Variants in NRP2 observed in about 807,000 individuals in gnomAD.
The protein encoded by NRP2 is neuropilin-2.
NRP2 carries 52 observed loss-of-function variants against 110.4 expected under a neutral mutation model. The ratio of observed to expected loss-of-function variants is 0.47; its 90% CI spans 0.38 to 0.59. The LOEUF (loss-of-function observed/expected upper bound fraction) is 0.59. Among genes scored for constraint, NRP2 ranks in the 20% least tolerant of loss-of-function variants. The pLI, the probability that NRP2 is intolerant of heterozygous loss-of-function variation, is 0.00. For synonymous variants in NRP2, 508 were observed against 468.9 expected, an observed-to-expected ratio of 1.08 and a Z score of -1.08; for missense variants, 1,049 against 1,203.0, an observed-to-expected ratio of 0.87 and a Z score of 1.89.
intron 1 of NRP2, among the ~76,000 whole-genome samples, chr2:205,697,251 T>A (rs1049345719): frequency 6.6e-6 from 1 of 151,864 alleles, no homozygotes; most frequent in Non-Finnish European, 1.5e-5. Flanking sequence ...GTCCTCTTGT[T>A]TTTTTAATCA....
At chr2:205,770,204 C>T (rs2057999137) in intron 15 of NRP2, among the ~76,000 whole-genome samples, 2 of 152,124 alleles carry the variant, frequency 1.3e-5, no homozygotes, top group South Asian at 2.1e-4. Context: ...CAATGTCTCC[C>T]GTTTCAGCTG....
intron 2 of NRP2, among the ~76,000 whole-genome samples, chr2:205,711,141 G>T (rs779378206): frequency 1.3e-5 from 2 of 152,164 alleles, no homozygotes; most frequent in Non-Finnish European, 1.5e-5. Context: ...ATCGTAGCAC[G>T]CATTCTTCTC....
rs570739231 is a variant in NRP2 at position 205,726,221 on chromosome 2, A to G, written c.990+139A>G. The stretch of plus-strand genomic sequence containing the variant: ...GAGAACTCCATTCATTCATTCATCC[A>G]AACAGATGTGTATGCCAGGCACTGG... On this transcript the variant is annotated intron_variant, in intron 6 of 16. Transcript: ENST00000357785. 69 of 909,680 alleles carry G rather than the reference A, an allele frequency of 7.6e-5. No homozygotes were observed. In the African/African-American group the frequency reaches 1.1e-3, roughly 14 times the overall value. The allele number at this position is 909,680 out of a possible 1,614,324, so 56.4% of individuals were successfully genotyped here. A position where few individuals can be genotyped will look rare whatever the true frequency, so the allele number is the denominator to read the frequency against.
At chr2:205,778,176 G>A (rs950204921) in intron 15 of NRP2, 1 of 151,880 alleles carries the variant, frequency 6.6e-6, no homozygotes, top group African/African-American at 2.4e-5. Context: ...AAGTTTGCCT[G>A]GGCCAAAAGC....
At chr2:205,754,767 GT>G (rs2057705956) in intron 12 of NRP2, among the ~76,000 whole-genome samples, 1 of 151,342 alleles carries the variant, frequency 6.6e-6, no homozygotes, top group African/African-American at 2.4e-5. Context: ...TAGTGTTAAT[GT>G]GTGTGTGCAT....
At chr2:205,731,003 T>C (rs1388938533) in intron 7 of NRP2, among the ~76,000 whole-genome samples, 1 of 152,246 alleles carries the variant, frequency 6.6e-6, no homozygotes, top group African/African-American at 2.4e-5. Context: ...AGTCACACTG[T>C]TGCTGGGGCA....
At chr2:205,689,589 C>T (rs1490732203) in intron 1 of NRP2, among the ~76,000 whole-genome samples, 1 of 152,166 alleles carries the variant, frequency 6.6e-6, no homozygotes. Flanking sequence ...GTTTTGTAAG[C>T]ACCATATTAT....
At chr2:205,685,625 T>C (rs1405337144) in intron 1 of NRP2, among the ~76,000 whole-genome samples, 1 of 152,194 alleles carries the variant, frequency 6.6e-6, no homozygotes, top group Non-Finnish European at 1.5e-5. Context: ...CGCACCAGGC[T>C]GCCCCTCTCC....
chr2:205,690,272 T>C (rs1027481020), intron 1 of NRP2, among the ~76,000 whole-genome samples: 5 of 152,138 alleles, frequency 3.3e-5, no homozygotes, highest in Non-Finnish European at 7.3e-5. Flanking sequence ...AAGAGAGGTT[T>C]GCTGAAACCA....
intron 1 of NRP2, among the ~76,000 whole-genome samples, chr2:205,684,609 G>C (rs1180914052): frequency 6.6e-6 from 1 of 152,070 alleles, no homozygotes; most frequent in Non-Finnish European, 1.5e-5. Context: ...ATTTATTTGA[G>C]GGGGGAAGAA....
At chr2:205,790,854 T>C (rs936263871) in intron 15 of NRP2, among the ~76,000 whole-genome samples, 2 of 152,204 alleles carry the variant, frequency 1.3e-5, no homozygotes, top group East Asian at 1.9e-4. Flanking sequence ...CAGGTGCCAC[T>C]TGCTGTGCTT....
Position 205,727,866 on chromosome 2 carries a change from C to T in NRP2, c.991-25C>T, listed in dbSNP as rs2057158497. On this transcript the variant is annotated intron_variant, in intron 6 of 16. Transcript: ENST00000357785. ...TGCCCTGTGTTGGGAATGGTGGTCT[C>T]TTACTCCAGCCCTCTATTCCCCAGG... The T allele has an allele frequency of 6.2e-6, 10 of 1,604,798 alleles. 1 individual carries two copies. Among genetic ancestry groups the T allele is most frequent in the Non-Finnish European group, 8.5e-6 (10 of 1,175,378 alleles).
intron 15 of NRP2, 49 bp downstream of exon 15, chr2:205,766,852 C>T (rs771249487): frequency 5.7e-6 from 9 of 1,565,560 alleles, no homozygotes; most frequent in Admixed American, 1.7e-5. Flanking sequence ...ATGCTTTTTC[C>T]TTCCCCCATG....
At position 205,682,975 on chromosome 2, in the gene NRP2, A is replaced by G; in HGVS notation, c.-316A>G. 6.4e-6 allele frequency: 2 copies of G among 313,550 alleles called. No individual in the cohort carries two copies. The highest frequency in any genetic ancestry group is 1.2e-5 in the Non-Finnish European group (2 of 167,434). 19.4% of individuals were successfully genotyped at this position (313,550 alleles called of 1,614,324 possible). ...TTGGCTTTCGGGAAATACTCGTGAT[A>G]TTTGTAGGATAAAGGAAATGACACT... On this transcript the variant is annotated 5_prime_UTR_variant, in exon 1 of 17. The change creates a new upstream start codon in the 5' untranslated region. Coordinates refer to ENST00000357785, the MANE Select transcript of NRP2 (RefSeq NM_003872.3). The surrounding 1 kb of genome is among the most constrained non-coding windows in gnomAD (Gnocchi z 4.3).
chr2:205,704,262 C>T (rs547996713), intron 2 of NRP2, among the ~76,000 whole-genome samples: 1 of 152,328 alleles, frequency 6.6e-6, no homozygotes, highest in Non-Finnish European at 1.5e-5. Flanking sequence ...GGAGGTGTGG[C>T]TTCAGCTGGT....
chr2:205,748,447 C>T (rs2057579971), intron 10 of NRP2, among the ~76,000 whole-genome samples: 4 of 152,200 alleles, frequency 2.6e-5, no homozygotes, highest in Admixed American at 2.6e-4. Flanking sequence ...CAGTGACAAA[C>T]TTGAACTTAC....
intron 6 of NRP2, among the ~76,000 whole-genome samples, chr2:205,727,062 A>G (rs1278859422): frequency 6.6e-6 from 1 of 152,140 alleles, no homozygotes; most frequent in South Asian, 2.1e-4. Flanking sequence ...ACTTTCGCCT[A>G]TTGCTATCCA....
In NRP2 at chr2:205,795,167, A is replaced by G. The variant is rs993478776; in HGVS notation, c.*109A>G. ...GAATGCCATAATCTCGATCAAACCG[A>G]TCCAGAATACCGAAGGTATGGACAG... On this transcript the variant is annotated 3_prime_UTR_variant, in exon 17 of 17. Coordinates refer to ENST00000357785, the MANE Select transcript of NRP2 (RefSeq NM_003872.3). 1.8e-6 allele frequency: 2 copies of G among 1,104,910 alleles called. No individual in the cohort carries two copies. Among genetic ancestry groups the G allele is most frequent in the East Asian group, 2.6e-5 (1 of 38,990 alleles). The allele number at this position is 1,104,910 out of a possible 1,614,324, so 68.4% of individuals were successfully genotyped here. A position where few individuals can be genotyped will look rare whatever the true frequency, so the allele number is the denominator to read the frequency against.
At chr2:205,698,861 C>T (rs1440396234) in intron 2 of NRP2, among the ~76,000 whole-genome samples, 1 of 152,124 alleles carries the variant, frequency 6.6e-6, no homozygotes, top group Non-Finnish European at 1.5e-5. Context: ...AATAAGGGGG[C>T]CAGCTGGCAG....
Sources: allele counts gnomAD v4.1 joint callset (sites outside exome capture counted in the v4.1 genomes callset), GRCh38; gene constraint gnomAD v4.1.1; non-coding constraint Gnocchi (gnomAD v3.1); transcripts MANE v1.5; gene names NCBI Gene and HGNC (gene_info 2026-07-23, HGNC 2026-07-21).